The following SEC14L5 variants were observed in gnomAD, a reference collection of about 807,000 sequenced individuals.
SEC14L5 encodes the protein SEC14-like protein 5.
In SEC14L5, 96 loss-of-function variants were observed where a neutral mutation model predicts 84.6. The ratio of observed to expected loss-of-function variants is 1.13; its 90% CI spans 0.96 to 1.34. The LOEUF is 1.34. Among genes scored for constraint, SEC14L5 ranks in the 40% most tolerant of loss-of-function variants. The pLI is 0.00. For missense variants in SEC14L5, 1,224 were observed against 942.5 expected, an observed-to-expected ratio of 1.30 and a Z score of -3.91; for synonymous variants, 546 against 383.4, an observed-to-expected ratio of 1.42 and a Z score of -4.95.
chr16:4,988,147 A>C lies in SEC14L5; in HGVS notation c.214-2A>C. Reference sequence around the variant, plus strand: ...TCCGCCTCCCCGCCCCTTCCCTTGCAGATCGCAGGTGTTGAGCACGTGGTC... The same window carrying C: ...TCCGCCTCCCCGCCCCTTCCCTTGCCGATCGCAGGTGTTGAGCACGTGGTC... On this transcript the variant is annotated splice_acceptor_variant, in intron 3 of 15. Transcript: ENST00000251170. LOFTEE classifies it high-confidence loss of function. The C allele has an allele frequency of 6.3e-7, 1 of 1,587,368 alleles. No individual in the cohort carries two copies. The highest frequency in any genetic ancestry group is 2.3e-5 in the East Asian group (1 of 42,998).
chr16:4,966,949 G>A (rs1195591967), intron 2 of SEC14L5, among the ~76,000 whole-genome samples: 1 of 152,176 alleles, frequency 6.6e-6, no homozygotes, highest in Non-Finnish European at 1.5e-5. Flanking sequence ...GCCCGGGAGT[G>A]TTTATTCAGC....
intron 2 of SEC14L5, among the ~76,000 whole-genome samples, chr16:4,975,273 C>A (rs1955326698): frequency 6.6e-6 from 1 of 151,730 alleles, no homozygotes; most frequent in African/African-American, 2.4e-5. Context: ...GAGATCAAGA[C>A]CATCCTGGCT....
rs778664972 is a variant in SEC14L5, at chr16:5,011,259, C to T, written c.1965C>T (p.Ala655=). The change falls in exon 15 of 16, where the codon GCC becomes GCT. Residue 655 remains alanine (A), a synonymous_variant. Coordinates refer to ENST00000251170, the MANE Select transcript of SEC14L5 (RefSeq NM_014692.2). ...CKLLYYCEVL[A]SEDFRGSMSS... ...TTCTCTACTACTGTGAGGTGCTCGC[C>T]TCTGAGGACTTCAGGTAGGAGGGCT... 61 of 1,613,470 alleles carry T rather than the reference C, an allele frequency of 3.8e-5. No individual in the cohort carries two copies. In the East Asian group the frequency reaches 1.1e-3, roughly 29 times the overall value.
rs543586273 is a variant in SEC14L5, at chr16:4,998,520, C to T, written c.970+1476C>T. ...TTGGGAGGCCGAGGCGGGCGGATCA[C>T]GAGGTCAGGAGATCGAGACCATCCC... On this transcript the variant is annotated intron_variant, in intron 8 of 15. Transcript: ENST00000251170. 8.6e-3 allele frequency among the ~76,000 whole-genome samples: 1,282 copies of T among 149,604 alleles called. 22 individuals carry two copies. Among genetic ancestry groups the T allele is most frequent in the African/African-American group, 0.03 (1,214 of 40,996 alleles).
chr16:4,993,725 A>G (rs976220992), intron 6 of SEC14L5, among the ~76,000 whole-genome samples: 1 of 152,248 alleles, frequency 6.6e-6, no homozygotes, highest in Admixed American at 6.5e-5. Flanking sequence ...TTCAAAGTTT[A>G]CATGCAAGTA....
At chr16:4,998,737 C>CAAAAAAAAAAAAAAAAAAAAAA (rs60494025) in intron 8 of SEC14L5, among the ~76,000 whole-genome samples, 1 of 94,034 alleles carries the variant, frequency 1.1e-5, no homozygotes, top group African/African-American at 4.8e-5. Flanking sequence ...GACTCCGTCT[C>CAAAAAAAAAAAAAAAAAAAAAA]AAAAAAAAAA....
chr16:5,008,357 G>T (rs1955757385), intron 13 of SEC14L5, 64 bp from the exon 14 acceptor site: 7 of 1,234,180 alleles, frequency 5.7e-6, no homozygotes, highest in Middle Eastern at 2.6e-4. Context: ...TCCTGCCACT[G>T]TGTTCCCCAC....
At chr16:5,001,421 A>G (rs1213785359) in intron 10 of SEC14L5, among the ~76,000 whole-genome samples, 1 of 151,756 alleles carries the variant, frequency 6.6e-6, no homozygotes, top group African/African-American at 2.4e-5. Flanking sequence ...ACCACGCCTG[A>G]CTAATTTTTT....
chr16:5,003,315 G>A (rs987750239), intron 10 of SEC14L5, 87 bp from the exon 11 acceptor site: 5 of 1,025,028 alleles, frequency 4.9e-6, no homozygotes, highest in Non-Finnish European at 5.9e-6. Flanking sequence ...ATCTCTCGGA[G>A]CCTCCCTGTT....
chr16:4,985,994 C>A (rs941590468), intron 2 of SEC14L5, among the ~76,000 whole-genome samples: 1 of 151,900 alleles, frequency 6.6e-6, no homozygotes, highest in Non-Finnish European at 1.5e-5. Flanking sequence ...ATTGCTGGAT[C>A]ATAAGGTAAT....
rs1261099694 is a variant in SEC14L5, at chr16:5,017,780, C to G, written c.*2810C>G. 6.7e-6 allele frequency: 1 copy of G among 149,180 alleles called. No individual in the cohort carries two copies. Among genetic ancestry groups the G allele is most frequent in the East Asian group, 2.0e-4 (1 of 4,948 alleles). The allele number at this position is 149,180 out of a possible 1,614,324, so 9.2% of individuals were successfully genotyped here. A position where few individuals can be genotyped will look rare whatever the true frequency, so the allele number is the denominator to read the frequency against. ...CTCCCATGTGGAGGTCTCGGGGACC[C>G]ACGTGGAAGCATTATCAAGGTCATT... On this transcript the variant is annotated 3_prime_UTR_variant, in exon 16 of 16. Coordinates refer to ENST00000251170, the MANE Select transcript of SEC14L5 (RefSeq NM_014692.2).
chr16:4,980,996 G>A (rs1176486542), intron 2 of SEC14L5, among the ~76,000 whole-genome samples: 1 of 152,138 alleles, frequency 6.6e-6, no homozygotes, highest in Non-Finnish European at 1.5e-5. Flanking sequence ...CAAAGCTGGC[G>A]TGGCTGGAGC....
At chr16:5,002,282 C>G (rs1955685445) in intron 10 of SEC14L5, among the ~76,000 whole-genome samples, 1 of 148,388 alleles carries the variant, frequency 6.7e-6, no homozygotes, top group South Asian at 2.1e-4. Flanking sequence ...AATTAAAGTT[C>G]CTTTGCTGTT....
At chr16:4,982,784 G>A (rs1250900308) in intron 2 of SEC14L5, among the ~76,000 whole-genome samples, 1 of 152,188 alleles carries the variant, frequency 6.6e-6, no homozygotes, top group East Asian at 1.9e-4. Context: ...GCACTGAGAG[G>A]TTAAGTAACC....
chr16:5,010,587 G>T (rs1596646374), intron 14 of SEC14L5, among the ~76,000 whole-genome samples: 1 of 152,084 alleles, frequency 6.6e-6, no homozygotes, highest in Admixed American at 6.6e-5. Context: ...AGGGTGGAGG[G>T]CCGTCCTGCA....
At chr16:4,998,141 G>T (rs540806955) in intron 8 of SEC14L5, among the ~76,000 whole-genome samples, 18 of 151,712 alleles carry the variant, frequency 1.2e-4, no homozygotes, top group Non-Finnish European at 1.8e-4. Context: ...GAGTAGCTGG[G>T]ACTACAGGCG....
intron 2 of SEC14L5, among the ~76,000 whole-genome samples, chr16:4,984,860 A>G (rs1003006877): frequency 2.9e-4 from 44 of 152,118 alleles, no homozygotes; most frequent in African/African-American, 1.1e-3. Flanking sequence ...GTCTGTTGAG[A>G]TCTTCTGCCA....
In SEC14L5 at chr16:4,998,062, G is replaced by A. The variant is rs192117939; in HGVS notation, c.970+1018G>A. Among the ~76,000 whole-genome samples the A allele has an allele frequency of 3.5e-3, 483 of 139,492 alleles. 4 individuals carry two copies. Among genetic ancestry groups the A allele is most frequent in the Non-Finnish European group, 5.0e-3 (332 of 66,286 alleles). The allele number at this position is 139,492 out of a possible 152,430, so 91.5% of individuals were successfully genotyped here. A position where few individuals can be genotyped will look rare whatever the true frequency, so the allele number is the denominator to read the frequency against. ...TCTGTCACCCAGGCTGGAGTGCAATGGTGTGATCTCAGCTCACTGCAACTC... is the reference window on the plus strand; with the variant it reads ...TCTGTCACCCAGGCTGGAGTGCAATAGTGTGATCTCAGCTCACTGCAACTC... On this transcript the variant is annotated intron_variant, in intron 8 of 15. Coordinates refer to ENST00000251170, the MANE Select transcript of SEC14L5 (RefSeq NM_014692.2).
chr16:4,967,843 G>A (rs1414604887), intron 2 of SEC14L5, among the ~76,000 whole-genome samples: 1 of 150,840 alleles, frequency 6.6e-6, no homozygotes, highest in Non-Finnish European at 1.5e-5. Flanking sequence ...CTGACCTCAG[G>A]TGATCCACCT....
Sources: gnomAD v4.1 joint callset for allele counts (sites outside exome capture counted in the v4.1 genomes callset) on GRCh38, gnomAD v4.1.1 for gene constraint, MANE v1.5 for transcripts, NCBI Gene and HGNC (gene_info 2026-07-23, HGNC 2026-07-21) for gene names.